The following ADGRL3 variants were observed in gnomAD, a reference collection of about 807,000 sequenced individuals.
The protein encoded by ADGRL3 is adhesion G protein-coupled receptor L3.
In ADGRL3, 62 loss-of-function variants were observed where a neutral mutation model predicts 153.5. The observed-to-expected ratio is 0.40, with a 90% CI of 0.33 to 0.50. The LOEUF (loss-of-function observed/expected upper bound fraction) is 0.50, where lower values mean the gene tolerates loss of function less well. ADGRL3 is among the 20% of genes least tolerant of loss of function. The pLI is 0.47. For missense variants in ADGRL3, 1,641 were observed against 1,859.4 expected (o/e 0.88, Z 2.16); for synonymous variants, 710 against 672.5 (o/e 1.06, Z -0.86).
In ADGRL3 at chr4:62,070,387, A is replaced by G; in HGVS notation, c.4111A>G (p.Arg1371Gly). ...NKLVNNLGSG[R>G]EDDAIVLDDA... ...GCTGGTGAATAACCTTGGCAGTGGA[A>G]GGGAAGATGATGCCATTGTCCTGGA... is the stretch of plus-strand genomic sequence containing the variant. The change falls in exon 27 of 27, where the codon AGG becomes GGG. Residue 1371 changes from arginine (R) to glycine (G), a missense_variant. Physicochemically the swap from Arg to Gly is moderately radical, Grantham distance 125 (BLOSUM62 -2). Transcript: ENST00000683033. 6.4e-7 allele frequency: 1 copy of G among 1,552,118 alleles called. No individual in the cohort carries two copies. The highest frequency in any genetic ancestry group is 2.4e-5 in the East Asian group (1 of 40,882).
intron 8 of ADGRL3, among the ~76,000 whole-genome samples, chr4:61,794,481 C>T (rs2097383126): frequency 6.6e-6 from 1 of 152,158 alleles, no homozygotes; most frequent in Non-Finnish European, 1.5e-5. Flanking sequence ...ACAAGTTAAT[C>T]TAAGAAGAAA....
chr4:61,228,766 CACTGCAA>C (rs1749122371), intron 1 of ADGRL3, among the ~76,000 whole-genome samples: 1 of 152,200 alleles, frequency 6.6e-6, no homozygotes, highest in African/African-American at 2.4e-5. Context: ...CGTCTGGGCT[CACTGCAA>C]ACTCTACCTC....
chr4:61,269,503 A>G (rs2093039455), intron 1 of ADGRL3, among the ~76,000 whole-genome samples: 1 of 151,598 alleles, frequency 6.6e-6, no homozygotes, highest in Admixed American at 6.6e-5. Context: ...ACCTTTGCCA[A>G]GTTTTTAATG....
chr4:61,989,327 A>G (rs2099096163), intron 19 of ADGRL3, among the ~76,000 whole-genome samples: 1 of 152,086 alleles, frequency 6.6e-6, no homozygotes, highest in Admixed American at 6.5e-5. Flanking sequence ...ATGTTATAAA[A>G]TGTTCTTATA....
In ADGRL3 at chr4:61,419,692, GCAGT is replaced by G. The variant is rs1457629622; in HGVS notation, c.-174+36506_-174+36509del. 3.3e-5 allele frequency among the ~76,000 whole-genome samples: 5 copies of G among 152,228 alleles called. No individual in the cohort carries two copies. In the East Asian group the frequency reaches 9.6e-4, roughly 29 times the overall value. On this transcript the variant is annotated intron_variant, in intron 2 of 26. Coordinates refer to ENST00000683033, the MANE Select transcript of ADGRL3 (RefSeq NM_001387552.1). ...GAACTTATTTGAGGACATGCTGTAC[GCAGT>G]CAATTTTTAGCAGCATTGTAATTTT...
Position 61,659,219 on chromosome 4 carries a change from C to T in ADGRL3, c.474-17607C>T, listed in dbSNP as rs78719950. Among the ~76,000 whole-genome samples, 157 of 152,290 alleles carry T rather than the reference C, an allele frequency of 1.0e-3. 1 individual carries two copies. The East Asian group carries it at 0.027, about 27-fold the overall frequency. ...TTCCAGTATGACCTCATCTTAATTA[C>T]ATCTGCAACAAGTTTATTTCTAAGT... On this transcript the variant is annotated intron_variant, in intron 5 of 26. Coordinates refer to ENST00000683033, the MANE Select transcript of ADGRL3 (RefSeq NM_001387552.1).
intron 4 of ADGRL3, among the ~76,000 whole-genome samples, chr4:61,556,120 A>AG (rs1560834303): frequency 6.6e-6 from 1 of 152,180 alleles, no homozygotes; most frequent in Non-Finnish European, 1.5e-5. Flanking sequence ...CGCCTCTGAC[A>AG]GGAGCAGAGA....
At chr4:61,450,085 C>T (rs1330907422) in intron 2 of ADGRL3, among the ~76,000 whole-genome samples, 1 of 152,178 alleles carries the variant, frequency 6.6e-6, no homozygotes, top group East Asian at 1.9e-4. Flanking sequence ...ATGGATTTGT[C>T]TGCAGGCTTG....
chr4:61,419,273 T>C (rs777388902), intron 2 of ADGRL3, among the ~76,000 whole-genome samples: 6 of 150,872 alleles, frequency 4.0e-5, no homozygotes, highest in Admixed American at 6.6e-5. Flanking sequence ...ACATCACCAA[T>C]TTCTAAATAA....
intron 5 of ADGRL3, among the ~76,000 whole-genome samples, chr4:61,633,076 A>G (rs1579973178): frequency 6.6e-6 from 1 of 152,242 alleles, no homozygotes; most frequent in South Asian, 2.1e-4. Context: ...ATTCTATGTA[A>G]TGAAGGAGTA....
At chr4:61,714,090 C>G (rs1355339642) in intron 6 of ADGRL3, among the ~76,000 whole-genome samples, 1 of 152,054 alleles carries the variant, frequency 6.6e-6, no homozygotes, top group African/African-American at 2.4e-5. Flanking sequence ...CAATTCTTTT[C>G]TGCACTTTTC....
At chr4:61,662,219 C>T (rs1456590398) in intron 5 of ADGRL3, among the ~76,000 whole-genome samples, 2 of 152,224 alleles carry the variant, frequency 1.3e-5, no homozygotes, top group Non-Finnish European at 2.9e-5. Context: ...CCAAGCATCC[C>T]TGTGTTCCTG....
intron 1 of ADGRL3, among the ~76,000 whole-genome samples, chr4:61,373,232 G>A (rs182192791): frequency 0.013 from 1,954 of 152,214 alleles, 15 homozygotes; most frequent in Middle Eastern, 0.02. Context: ...GTTCCTATTC[G>A]GCCATCTTGG....
intron 2 of ADGRL3, among the ~76,000 whole-genome samples, chr4:61,439,726 T>C (rs1691185112): frequency 6.6e-6 from 1 of 152,302 alleles, no homozygotes; most frequent in East Asian, 1.9e-4. Context: ...GTTCTTGTGA[T>C]AGTTTGCTGA....
At chr4:61,428,881 T>TATATC (rs1560616321) in intron 2 of ADGRL3, among the ~76,000 whole-genome samples, 8 of 117,692 alleles carry the variant, frequency 6.8e-5, no homozygotes, top group African/African-American at 5.7e-5. Flanking sequence ...CTATATCATC[T>TATATC]ATCTATCTAT....
chr4:61,459,381 A>G (rs2097786333), intron 2 of ADGRL3, among the ~76,000 whole-genome samples: 1 of 151,994 alleles, frequency 6.6e-6, no homozygotes, highest in African/African-American at 2.4e-5. Flanking sequence ...GGAAAATAAG[A>G]TACAGAATCT....
At chr4:61,554,129 G>T (rs1205524089) in intron 4 of ADGRL3, among the ~76,000 whole-genome samples, 1 of 145,830 alleles carries the variant, frequency 6.9e-6, no homozygotes, top group African/African-American at 2.5e-5. Flanking sequence ...TTTAAATATT[G>T]GATCCTATTT....
Position 61,698,078 on chromosome 4 carries a change from C to T in ADGRL3, c.583+21143C>T, listed in dbSNP as rs1192649447. 3.9e-5 allele frequency among the ~76,000 whole-genome samples: 6 copies of T among 152,042 alleles called. No homozygotes were observed. The South Asian group carries it at 6.2e-4, about 16-fold the overall frequency. ...TGTGGAGATTCTAACTCTTCCTTTGCGGCACCAATACCAAAACATACTTGC... is the reference window on the plus strand; with the variant it reads ...TGTGGAGATTCTAACTCTTCCTTTGTGGCACCAATACCAAAACATACTTGC... On this transcript the variant is annotated intron_variant, in intron 6 of 26. Coordinates refer to ENST00000683033, the MANE Select transcript of ADGRL3 (RefSeq NM_001387552.1).
intron 2 of ADGRL3, among the ~76,000 whole-genome samples, chr4:61,448,804 A>AAGGGAGGGAAGGAAGGAAGGAAGAAGGG (rs2097628777): frequency 1.3e-5 from 1 of 75,512 alleles, no homozygotes; most frequent in African/African-American, 4.3e-5. Context: ...AGGAGGGAGG[A>AAGGGAGGGAAGGAAGGAAGGAAGAAGGG]AGGGAGGGAA....
Sources: gnomAD v4.1 joint callset for allele counts (sites outside exome capture counted in the v4.1 genomes callset) on GRCh38, gnomAD v4.1.1 for gene constraint, MANE v1.5 for transcripts, NCBI Gene and HGNC (gene_info 2026-07-23, HGNC 2026-07-21) for gene names.